Variants in CTTN observed in about 807,000 individuals in gnomAD.
CTTN encodes src substrate cortactin.
CTTN carries 28 observed loss-of-function variants against 84.0 expected under a neutral mutation model. That is an observed-to-expected ratio of 0.33 (90% confidence interval 0.25 to 0.46). The LOEUF is 0.46. Among genes scored for constraint, CTTN ranks in the 20% least tolerant of loss-of-function variants. CTTN has a pLI of 1.00. For missense variants in CTTN, 641 were observed against 723.8 expected (o/e 0.89, Z 1.31); for synonymous variants, 301 against 288.8 (o/e 1.04, Z -0.43).
Position 70,418,870 on chromosome 11 carries a change from G to A in CTTN, c.569-876G>A, listed in dbSNP as rs1392046374. 3.3e-5 allele frequency among the ~76,000 whole-genome samples: 5 copies of A among 150,074 alleles called. No individual in the cohort carries two copies. In the East Asian group the frequency reaches 7.9e-4, roughly 24 times the overall value. ...CAGCTCAGTGCAACCTCCTCCTTCC[G>A]GGTTCAAACAATTCTCCTGCCTCAG... On this transcript the variant is annotated intron_variant, in intron 8 of 17. Transcript: ENST00000301843.
Position 70,433,664 on chromosome 11 carries a change from G to A in CTTN, c.1462G>A (p.Glu488Lys). The A allele has an allele frequency of 6.2e-7, 1 of 1,613,390 alleles. No homozygotes were observed. Among genetic ancestry groups the A allele is most frequent in the Non-Finnish European group, 8.5e-7 (1 of 1,179,358 alleles). Residue 488 changes from glutamate (E) to lysine (K), a missense_variant, in exon 17 of 18, where the codon GAG becomes AAG. Physicochemically the swap from Glu to Lys is moderately conservative, Grantham distance 56 (BLOSUM62 1). This residue lies in a region of CTTN where 68 missense variants were observed against 102.2 expected (regional missense o/e 0.67). Transcript: ENST00000301843. ...HYPAEDSTYD[E>K]YENDLGITAV... The stretch of plus-strand genomic sequence containing the variant: ...TCTTTTAGAGGACAGCACCTACGAT[G>A]AGTACGAGAACGATCTGGGGATCAC...
chr11:70,436,023 G>T lies in CTTN; in HGVS notation c.*861G>T. 1 of 1,427,562 alleles carries T rather than the reference G, an allele frequency of 7.0e-7. No homozygotes were observed. Among genetic ancestry groups the T allele is most frequent in the Non-Finnish European group, 9.1e-7 (1 of 1,097,326 alleles). 88.4% of individuals were successfully genotyped at this position (1,427,562 alleles called of 1,614,324 possible). A position where few individuals can be genotyped will look rare whatever the true frequency, so the allele number is the denominator to read the frequency against. Reference sequence around the variant, plus strand: ...TCCCTGGGCCACCGGGCAGCCTGGGGCGGTGTGTGTGCCATGTCACAGCAT... The same window carrying T: ...TCCCTGGGCCACCGGGCAGCCTGGGTCGGTGTGTGTGCCATGTCACAGCAT... On this transcript the variant is annotated 3_prime_UTR_variant, in exon 18 of 18. Transcript: ENST00000301843.
At chr11:70,402,004 T>A (rs1436735858) in intron 1 of CTTN, among the ~76,000 whole-genome samples, 1 of 151,682 alleles carries the variant, frequency 6.6e-6, no homozygotes, top group Non-Finnish European at 1.5e-5. Context: ...ATACAAAAAA[T>A]TAGCTGGGTG....
In CTTN at chr11:70,436,508, C is replaced by A. The variant is rs186202595; in HGVS notation, c.*1346C>A. 341 of 976,740 alleles carry A rather than the reference C, an allele frequency of 3.5e-4. No individual in the cohort carries two copies. In the African/African-American group the frequency reaches 4.9e-3, roughly 14 times the overall value. The allele number at this position is 976,740 out of a possible 1,614,324, so 60.5% of individuals were successfully genotyped here. ...ATATGCAACTTATTGTATCTGAATTCCTGTAGCACACCTCATAGGTATGAT... is the reference window on the plus strand; with the variant it reads ...ATATGCAACTTATTGTATCTGAATTACTGTAGCACACCTCATAGGTATGAT... On this transcript the variant is annotated 3_prime_UTR_variant, in exon 18 of 18. Coordinates refer to ENST00000301843, the MANE Select transcript of CTTN (RefSeq NM_005231.4).
rs764906047 is a variant in CTTN at position 70,433,234 on chromosome 11, A to G, written c.1400A>G (p.Glu467Gly). The G allele has an allele frequency of 1.2e-6, 2 of 1,612,988 alleles. No individual in the cohort carries two copies. Among genetic ancestry groups the G allele is most frequent in the Non-Finnish European group, 1.7e-6 (2 of 1,179,902 alleles). ...SSQQGLAYATEAVYESAEAPG... is the reference protein window; with the variant it reads ...SSQQGLAYATGAVYESAEAPG... ...CAGCAGGGCCTGGCCTATGCCACAG[A>G]GGCTGTCTATGAAAGCGCAGAGGCC... Residue 467 changes from glutamate (E) to glycine (G), a missense_variant, in exon 16 of 18, where the codon GAG becomes GGG. Around this residue, in one of 3 missense-constraint regions of CTTN, gnomAD observed 289 missense variants for 273.1 expected, o/e 1.06. Coordinates refer to ENST00000301843, the MANE Select transcript of CTTN (RefSeq NM_005231.4).
Position 70,436,032 on chromosome 11 carries a change from G to A in CTTN, c.*870G>A. On this transcript the variant is annotated 3_prime_UTR_variant, in exon 18 of 18. Coordinates refer to ENST00000301843, the MANE Select transcript of CTTN (RefSeq NM_005231.4). ...CACCGGGCAGCCTGGGGCGGTGTGT[G>A]TGCCATGTCACAGCATGGCCTCTCG... is the stretch of plus-strand genomic sequence containing the variant. 7.0e-7 allele frequency: 1 copy of A among 1,424,120 alleles called. No individual in the cohort carries two copies. Among genetic ancestry groups the A allele is most frequent in the Non-Finnish European group, 9.1e-7 (1 of 1,095,322 alleles). The allele number at this position is 1,424,120 out of a possible 1,614,324, so 88.2% of individuals were successfully genotyped here.
intron 4 of CTTN, 148 bp downstream of exon 4, chr11:70,407,739 A>T: frequency 1.6e-6 from 1 of 633,882 alleles, no homozygotes. Flanking sequence ...AAATGAATAT[A>T]AGACACACAC....
intron 8 of CTTN, among the ~76,000 whole-genome samples, chr11:70,418,532 A>G (rs1359207610): frequency 2.0e-5 from 3 of 152,206 alleles, no homozygotes; most frequent in Non-Finnish European, 4.4e-5. Flanking sequence ...TGAGAGAGTC[A>G]TGTTTTGGTG....
intron 1 of CTTN, among the ~76,000 whole-genome samples, chr11:70,400,544 C>T (rs2057965823): frequency 6.6e-6 from 1 of 152,184 alleles, no homozygotes; most frequent in Non-Finnish European, 1.5e-5. Flanking sequence ...GATCCTCCCA[C>T]CTCAGCCTCC....
intron 1 of CTTN, among the ~76,000 whole-genome samples, chr11:70,402,241 A>C (rs377577036): frequency 6.6e-6 from 1 of 152,244 alleles, no homozygotes; most frequent in Non-Finnish European, 1.5e-5. Context: ...TGATTTGTAC[A>C]CTGACGTTTG....
chr11:70,409,873 C>G lies in CTTN; in HGVS notation c.204C>G (p.Thr68=), dbSNP rs775222444. The part of the protein sequence containing the change: ...LRENVFQEHQ[T]LKEKELETGP... ...AGAATGTCTTTCAAGAGCATCAGAC[C>G]CTTAAGGAGAAGGAACTTGAAACAG... The change falls in exon 5 of 18, where the codon ACC becomes ACG. Residue 68 remains threonine (T), a synonymous_variant. Coordinates refer to ENST00000301843, the MANE Select transcript of CTTN (RefSeq NM_005231.4). 19 of 1,613,840 alleles carry G rather than the reference C, an allele frequency of 1.2e-5. No individual in the cohort carries two copies. The highest frequency in any genetic ancestry group is 1.6e-5 in the Non-Finnish European group (19 of 1,179,830).
chr11:70,428,612 C>G (rs1434033778), intron 13 of CTTN, among the ~76,000 whole-genome samples: 1 of 152,202 alleles, frequency 6.6e-6, no homozygotes, highest in East Asian at 1.9e-4. Flanking sequence ...TGAGCCACTG[C>G]CCTCTTTTCC....
rs374379438 is a variant in CTTN at position 70,405,512 on chromosome 11, A to C, written c.-1+151A>C. Among the ~76,000 whole-genome samples, 67 of 152,322 alleles carry C rather than the reference A, an allele frequency of 4.4e-4. No homozygotes were observed. The South Asian group carries it at 0.013, about 29-fold the overall frequency. On this transcript the variant is annotated intron_variant, in intron 2 of 17. Coordinates refer to ENST00000301843, the MANE Select transcript of CTTN (RefSeq NM_005231.4). ...CTGGAAGGAAATTTCATTGTTTAAA[A>C]AATAAAGTCAGGTTTCTGTTGCATA...
At chr11:70,433,023 G>T (rs1387561064) in intron 15 of CTTN, 78 bp from the exon 16 acceptor site, 5 of 1,459,874 alleles carry the variant, frequency 3.4e-6, no homozygotes, top group East Asian at 2.3e-5. Flanking sequence ...GTGGGTTTCT[G>T]CTGGCTGTGG....
chr11:70,428,976 T>G (rs2058326493), intron 13 of CTTN, 75 bp from the exon 14 acceptor site: 2 of 1,560,996 alleles, frequency 1.3e-6, no homozygotes, highest in Non-Finnish European at 1.8e-6. Flanking sequence ...GGTCACTCTG[T>G]GTGGGTGGGG....
chr11:70,425,256 C>T (rs755925638), intron 12 of CTTN, 76 bp from the exon 13 acceptor site: 1 of 1,170,174 alleles, frequency 8.5e-7, no homozygotes, highest in Non-Finnish European at 1.3e-6. Context: ...AAGGCATTTG[C>T]ATCTGGCAGG....
intron 14 of CTTN, among the ~76,000 whole-genome samples, chr11:70,430,827 C>G (rs1171074335): frequency 2.0e-5 from 3 of 152,338 alleles, no homozygotes; most frequent in Admixed American, 1.3e-4. Flanking sequence ...AGCTGTGGCC[C>G]AGTCCCGGCA....
chr11:70,423,398 G>C (rs925368879), intron 12 of CTTN, among the ~76,000 whole-genome samples: 3 of 152,250 alleles, frequency 2.0e-5, no homozygotes, highest in Non-Finnish European at 4.4e-5. Flanking sequence ...CGCTGCGTGT[G>C]CGGTGATGAG....
At chr11:70,432,779 C>T (rs142190293) in intron 15 of CTTN, among the ~76,000 whole-genome samples, 4 of 152,256 alleles carry the variant, frequency 2.6e-5, no homozygotes, top group Middle Eastern at 3.4e-3. Flanking sequence ...CAAATTAACC[C>T]AACAAAGACA....
Sources: gnomAD v4.1 joint callset for allele counts (sites outside exome capture counted in the v4.1 genomes callset) on GRCh38, gnomAD v4.1.1 for gene constraint, gnomAD v4.1.1 regional missense constraint, MANE v1.5 for transcripts, NCBI Gene and HGNC (gene_info 2026-07-23, HGNC 2026-07-21) for gene names.